NCKAP5: variants seen among roughly 807,000 people sequenced by gnomAD.
NCKAP5 encodes nck-associated protein 5.
NCKAP5 carries 92 observed loss-of-function variants against 167.0 expected under a neutral mutation model. The ratio of observed to expected loss-of-function variants is 0.55; its 90% CI spans 0.47 to 0.66. The LOEUF (loss-of-function observed/expected upper bound fraction) is 0.66. Ranked by LOEUF, NCKAP5 falls within the 30% of genes least tolerant of loss-of-function variation. The pLI, the probability that NCKAP5 is intolerant of heterozygous loss-of-function variation, is 0.00. For synonymous variants in NCKAP5, 891 were observed against 877.4 expected (o/e 1.02, Z -0.27); for missense variants, 2,378 against 2,315.0 (o/e 1.03, Z -0.56).
At chr2:132,937,144 G>T (rs1040045728) in intron 8 of NCKAP5, among the ~76,000 whole-genome samples, 1 of 152,082 alleles carries the variant, frequency 6.6e-6, no homozygotes, top group Non-Finnish European at 1.5e-5. Flanking sequence ...CCATAAATAC[G>T]TCAATGCCCA....
chr2:133,483,626 A>G (rs1223944378), intron 3 of NCKAP5, among the ~76,000 whole-genome samples: 1 of 131,374 alleles, frequency 7.6e-6, no homozygotes, highest in Non-Finnish European at 1.6e-5. Context: ...TGCAAAAAAA[A>G]AGGGGGGGGG....
intron 3 of NCKAP5, among the ~76,000 whole-genome samples, chr2:133,362,904 C>T (rs1215877882): frequency 6.6e-6 from 1 of 151,964 alleles, no homozygotes; most frequent in East Asian, 1.9e-4. Context: ...TAGGTGCCCG[C>T]CACCATGCCA....
intron 19 of NCKAP5, among the ~76,000 whole-genome samples, chr2:132,715,893 C>T (rs1490843022): frequency 2.0e-5 from 3 of 152,158 alleles, no homozygotes; most frequent in African/African-American, 7.2e-5. Flanking sequence ...AAACATTTGA[C>T]AGCTTCTCCC....
At chr2:132,721,200 C>T (rs1039464752) in intron 19 of NCKAP5, among the ~76,000 whole-genome samples, 2 of 151,912 alleles carry the variant, frequency 1.3e-5, no homozygotes, top group South Asian at 2.1e-4. Flanking sequence ...CCCAGCTACT[C>T]GGGAGGCTGA....
chr2:132,822,150 A>AAGG lies in NCKAP5; in HGVS notation c.808-25422_808-25421insCCT, dbSNP rs571761841. 1.4e-3 allele frequency among the ~76,000 whole-genome samples: 213 copies of AAGG among 152,332 alleles called. 1 individual carries two copies. Among genetic ancestry groups the AAGG allele is most frequent in the African/African-American group, 4.9e-3 (202 of 41,564 alleles). On this transcript the variant is annotated intron_variant, in intron 11 of 19. Transcript: ENST00000409261. ...AGGACAGAATCACCTTGATCCCAGG[A>AAGG]AGAAGACAAAACTTGATTCCACTGC...
chr2:133,185,655 T>C (rs2084915980), intron 5 of NCKAP5, among the ~76,000 whole-genome samples: 2 of 152,090 alleles, frequency 1.3e-5, no homozygotes, highest in South Asian at 2.1e-4. Context: ...CAGTGTTTTA[T>C]AGTTCTCCTT....
At chr2:132,679,579 A>G (rs1456542100) in intron 19 of NCKAP5, among the ~76,000 whole-genome samples, 1 of 152,130 alleles carries the variant, frequency 6.6e-6, no homozygotes, top group Non-Finnish European at 1.5e-5. Context: ...TGCTGCAGGG[A>G]GTTAGTTTGC....
chr2:133,203,839 G>T (rs1362965921), intron 5 of NCKAP5, among the ~76,000 whole-genome samples: 2 of 152,202 alleles, frequency 1.3e-5, no homozygotes, highest in Non-Finnish European at 2.9e-5. Flanking sequence ...TTGAAAGATA[G>T]TTTAAAGTTG....
intron 3 of NCKAP5, among the ~76,000 whole-genome samples, chr2:133,442,077 C>T (rs1237788189): frequency 6.6e-6 from 1 of 152,096 alleles, no homozygotes; most frequent in African/African-American, 2.4e-5. Context: ...TAGGAAAATC[C>T]AGAATGTGGA....
At chr2:133,184,863 T>A (rs1000112269) in intron 5 of NCKAP5, among the ~76,000 whole-genome samples, 1 of 152,218 alleles carries the variant, frequency 6.6e-6, no homozygotes, top group African/African-American at 2.4e-5. Context: ...TTCTGGATAT[T>A]AGACCTTCGT....
intron 5 of NCKAP5, among the ~76,000 whole-genome samples, chr2:133,168,308 G>C (rs1335197644): frequency 7.3e-6 from 1 of 137,928 alleles, no homozygotes; most frequent in Non-Finnish European, 1.5e-5. Flanking sequence ...TTTGACCACA[G>C]ATGTTGCCTG....
intron 3 of NCKAP5, among the ~76,000 whole-genome samples, chr2:133,394,440 G>A (rs1361363947): frequency 2.0e-5 from 3 of 152,216 alleles, no homozygotes; most frequent in Non-Finnish European, 4.4e-5. Flanking sequence ...ATCAGTCATT[G>A]AAAGAGGCAG....
intron 8 of NCKAP5, among the ~76,000 whole-genome samples, chr2:132,901,000 A>T (rs1156270602): frequency 1.3e-5 from 2 of 149,334 alleles, no homozygotes; most frequent in Non-Finnish European, 3.0e-5. Flanking sequence ...AAAAAAGAAC[A>T]CCAGAACTGG....
chr2:133,024,662 T>A (rs988337168), intron 6 of NCKAP5, among the ~76,000 whole-genome samples: 3 of 152,250 alleles, frequency 2.0e-5, no homozygotes, highest in African/African-American at 7.2e-5. Flanking sequence ...ATTTACTATA[T>A]AATCATTCTA....
Position 132,784,381 on chromosome 2 carries a change from T to G in NCKAP5, c.2430A>C (p.Ser810=), listed in dbSNP as rs1166291278. ...LTKIPPRGKS[S]PQKSKLMEPE... is the part of the protein sequence containing the mutation. ...GCTCCATTAGTTTTGATTTCTGAGGTGAAGACTTGCCCCTGGGAGGTATTT... is the reference window on the plus strand; with the variant it reads ...GCTCCATTAGTTTTGATTTCTGAGGGGAAGACTTGCCCCTGGGAGGTATTT... The change falls in exon 14 of 20, where the codon TCA becomes TCC. Residue 810 remains serine, a synonymous_variant. Coordinates refer to ENST00000409261, the MANE Select transcript of NCKAP5 (RefSeq NM_207363.3). The G allele has an allele frequency of 6.2e-7, 1 of 1,613,998 alleles. No homozygotes were observed. Among genetic ancestry groups the G allele is most frequent in the Non-Finnish European group, 8.5e-7 (1 of 1,179,880 alleles).
intron 4 of NCKAP5, among the ~76,000 whole-genome samples, chr2:133,214,972 C>T (rs1018301566): frequency 3.3e-5 from 5 of 152,164 alleles, no homozygotes; most frequent in African/African-American, 1.2e-4. Context: ...AAGACACGTG[C>T]TTTTGTTTGG....
At chr2:133,503,602 C>T (rs992593966) in intron 3 of NCKAP5, among the ~76,000 whole-genome samples, 1 of 152,168 alleles carries the variant, frequency 6.6e-6, no homozygotes, top group Admixed American at 6.5e-5. Flanking sequence ...CTTCTCTGGG[C>T]AAAGGACTTT....
At chr2:132,738,654 G>A (rs1396814850) in intron 16 of NCKAP5, among the ~76,000 whole-genome samples, 1 of 152,114 alleles carries the variant, frequency 6.6e-6, no homozygotes, top group African/African-American at 2.4e-5. Context: ...CTATAAATGG[G>A]TACCTAAGAC....
rs192172159 is a variant in NCKAP5 at position 133,513,102 on chromosome 2, A to C, written c.69+4356T>G. On this transcript the variant is annotated intron_variant, in intron 3 of 19. Transcript: ENST00000409261. ...ACACTCAAAGCATCTAACTGAGGAGAGTTTGGTAAAGGGACTGTTTACTGA... is the reference window on the plus strand; with the variant it reads ...ACACTCAAAGCATCTAACTGAGGAGCGTTTGGTAAAGGGACTGTTTACTGA... Among the ~76,000 whole-genome samples the C allele has an allele frequency of 1.2e-4, 19 of 152,320 alleles. 1 individual carries two copies. In the East Asian group the frequency reaches 3.7e-3, roughly 29 times the overall value.
Sources: allele counts gnomAD v4.1 joint callset (sites outside exome capture counted in the v4.1 genomes callset), GRCh38; gene constraint gnomAD v4.1.1; transcripts MANE v1.5; gene names NCBI Gene and HGNC (gene_info 2026-07-23, HGNC 2026-07-21).